The following PLXNA2 variants were observed in gnomAD, a reference collection of about 807,000 sequenced individuals.
PLXNA2 encodes the protein plexin A2.
A neutral mutation model predicts 193.5 loss-of-function variants in PLXNA2; 91 were observed. The ratio of observed to expected loss-of-function variants is 0.47; its 90% CI spans 0.40 to 0.56. The LOEUF (loss-of-function observed/expected upper bound fraction) is 0.56, where lower values mean the gene tolerates loss of function less well. Among genes scored for constraint, PLXNA2 ranks in the 20% least tolerant of loss-of-function variants. PLXNA2 has a pLI of 0.00. For synonymous variants in PLXNA2, 997 were observed against 1,027.3 expected, an observed-to-expected ratio of 0.97 and a Z score of 0.56; for missense variants, 1,995 against 2,503.2, an observed-to-expected ratio of 0.80 and a Z score of 4.33.
intron 20 of PLXNA2, among the ~76,000 whole-genome samples, chr1:208,043,815 G>A (rs1395491541): frequency 1.3e-5 from 2 of 152,226 alleles, no homozygotes; most frequent in East Asian, 1.9e-4. Context: ...TCATCCAGCA[G>A]AGGGCTTGTT....
chr1:208,185,696 C>CAAAAAAAAAAAAAAAAAAAAAAAAAAGA (rs56384277), intron 3 of PLXNA2, among the ~76,000 whole-genome samples: 1 of 57,256 alleles, frequency 1.7e-5, no homozygotes, highest in African/African-American at 7.1e-5. Context: ...TCTCTGAAAG[C>CAAAAAAAAAAAAAAAAAAAAAAAAAAGA]AAAAAAAAAA....
chr1:208,212,250 T>A (rs1670985016), intron 2 of PLXNA2, among the ~76,000 whole-genome samples: 1 of 152,132 alleles, frequency 6.6e-6, no homozygotes, highest in South Asian at 2.1e-4. Flanking sequence ...GAATAATTGG[T>A]TTATAAGTTA....
Position 208,025,424 on chromosome 1 carries a change from C to T in PLXNA2, c.*1819G>A. On this transcript the variant is annotated 3_prime_UTR_variant, in exon 32 of 32. Coordinates refer to ENST00000367033, the MANE Select transcript of PLXNA2 (RefSeq NM_025179.4). ...AGAAAATGACCCTGGTCTAGTCTCT[C>T]TTGGAGGAGCTGGTCTAGCTTCCCA... is the stretch of plus-strand genomic sequence containing the variant. 1 of 152,278 alleles carries T rather than the reference C, an allele frequency of 6.6e-6. No homozygotes were observed. The highest frequency in any genetic ancestry group is 1.9e-4 in the East Asian group (1 of 5,200). The allele number at this position is 152,278 out of a possible 1,614,324, so 9.4% of individuals were successfully genotyped here. A position where few individuals can be genotyped will look rare whatever the true frequency, so the allele number is the denominator to read the frequency against.
chr1:208,031,979 C>A lies in PLXNA2; in HGVS notation c.5056-220G>T, dbSNP rs1664518395. The A allele has an allele frequency of 1.7e-5, 17 of 985,060 alleles. 1 individual carries two copies. In the South Asian group the frequency reaches 6.6e-4, roughly 38 times the overall value. The allele number at this position is 985,060 out of a possible 1,614,324, so 61.0% of individuals were successfully genotyped here. On this transcript the variant is annotated intron_variant, in intron 28 of 31. Transcript: ENST00000367033. Reference sequence around the variant, plus strand: ...TCCTGGGGAAGAATCTCTCCTCCAACCTGCAGCCACATTCCACATTCCACA... The same window carrying A: ...TCCTGGGGAAGAATCTCTCCTCCAAACTGCAGCCACATTCCACATTCCACA...
rs61520990 is a variant in PLXNA2, at chr1:208,033,059, C to CT, written c.5055+259dup. On this transcript the variant is annotated intron_variant, in intron 28 of 31. Transcript: ENST00000367033. Reference sequence around the variant, plus strand: ...CTTTTTTTTTTTCCAATTTTGTCCTCTTTTTTTTTTTTCGTTAGTGGAGAT... The same window carrying CT: ...CTTTTTTTTTTTCCAATTTTGTCCTCTTTTTTTTTTTTTCGTTAGTGGAGAT... Among the ~76,000 whole-genome samples the CT allele has an allele frequency of 8.5e-3, 1,227 of 144,466 alleles. 10 individuals are homozygous for CT. Among genetic ancestry groups the CT allele is most frequent in the Admixed American group, 0.016 (232 of 14,454 alleles). The allele number at this position is 144,466 out of a possible 152,430, so 94.8% of individuals were successfully genotyped here. A position where few individuals can be genotyped will look rare whatever the true frequency, so the allele number is the denominator to read the frequency against.
At chr1:208,230,171 T>G (rs969825584) in intron 1 of PLXNA2, 7 of 152,236 alleles carry the variant, frequency 4.6e-5, no homozygotes, top group African/African-American at 1.4e-4. Context: ...AAGGACATCA[T>G]CTCCTTGGCT....
intron 3 of PLXNA2, among the ~76,000 whole-genome samples, chr1:208,202,186 G>T (rs926928363): frequency 1.1e-4 from 17 of 151,972 alleles, no homozygotes; most frequent in African/African-American, 4.1e-4. Context: ...CATCATGTTG[G>T]CCAGGCTGGT....
intron 4 of PLXNA2, among the ~76,000 whole-genome samples, chr1:208,134,169 A>C (rs1465981105): frequency 2.6e-5 from 4 of 152,192 alleles, no homozygotes; most frequent in Non-Finnish European, 5.9e-5. Flanking sequence ...TAAATACAGC[A>C]AGCCAAGTGT....
At chr1:208,178,252 C>T (rs1043494445) in intron 3 of PLXNA2, among the ~76,000 whole-genome samples, 8 of 152,162 alleles carry the variant, frequency 5.3e-5, no homozygotes, top group Non-Finnish European at 7.3e-5. Flanking sequence ...AGAAGCCTTG[C>T]TTTGAAAATT....
intron 2 of PLXNA2, among the ~76,000 whole-genome samples, chr1:208,211,329 G>A (rs1670935044): frequency 6.6e-6 from 1 of 152,140 alleles, no homozygotes; most frequent in African/African-American, 2.4e-5. Context: ...GAGAGTGGTG[G>A]TGTGGCTCCA....
chr1:208,240,838 C>G (rs1672027955), intron 1 of PLXNA2, among the ~76,000 whole-genome samples: 1 of 151,982 alleles, frequency 6.6e-6, no homozygotes, highest in Non-Finnish European at 1.5e-5. Context: ...TATTGTGCCT[C>G]AGTTCGTGTG....
At position 208,038,291 on chromosome 1, in the gene PLXNA2, C is replaced by T. The variant is rs562026921; in HGVS notation, c.4764+80G>A. On this transcript the variant is annotated intron_variant, in intron 26 of 31. Coordinates refer to ENST00000367033, the MANE Select transcript of PLXNA2 (RefSeq NM_025179.4). The surrounding 1 kb of genome is among the most constrained non-coding windows in gnomAD (Gnocchi z 4.1). ...CAGGGAGAGGAAAATCCTTTTTAGA[C>T]TTTTGAGGCCTTAGAGCAAGGCTTA... is the stretch of plus-strand genomic sequence containing the variant. 1.0e-6 allele frequency: 1 copy of T among 972,486 alleles called. No homozygotes were observed. The highest frequency in any genetic ancestry group is 1.7e-6 in the Non-Finnish European group (1 of 600,844). 60.2% of individuals were successfully genotyped at this position (972,486 alleles called of 1,614,324 possible).
intron 1 of PLXNA2, among the ~76,000 whole-genome samples, chr1:208,229,244 C>T (rs972496890): frequency 3.9e-5 from 6 of 152,162 alleles, no homozygotes; most frequent in Non-Finnish European, 5.9e-5. Context: ...AGGCTAGAAT[C>T]ACACACTGAT....
rs1004558926 is a variant in PLXNA2, at chr1:208,027,919, T to C, written c.5589+90A>G. ...TCATGGGCTTCTGACTCCCTGAATG[T>C]GTTTTCTAAATTGCCATCTATTTAA... On this transcript the variant is annotated intron_variant, in intron 31 of 31. Transcript: ENST00000367033. 25 of 1,249,734 alleles carry C rather than the reference T, an allele frequency of 2.0e-5. No homozygotes were observed. In the Middle Eastern group the frequency reaches 1.4e-3, roughly 70 times the overall value. 77.4% of individuals were successfully genotyped at this position (1,249,734 alleles called of 1,614,324 possible). A position where few individuals can be genotyped will look rare whatever the true frequency, so the allele number is the denominator to read the frequency against.
chr1:208,131,449 A>G (rs1377318076), intron 4 of PLXNA2, among the ~76,000 whole-genome samples: 1 of 152,210 alleles, frequency 6.6e-6, no homozygotes, highest in Non-Finnish European at 1.5e-5. Flanking sequence ...TGGTCTAAAT[A>G]AAACACATTC....
chr1:208,054,987 A>C (rs2102340510), intron 13 of PLXNA2, among the ~76,000 whole-genome samples: 1 of 152,320 alleles, frequency 6.6e-6, no homozygotes, highest in East Asian at 1.9e-4. Flanking sequence ...CATGTTTGCC[A>C]AGCCGATTCA....
At chr1:208,175,743 G>T (rs1177062816) in intron 3 of PLXNA2, among the ~76,000 whole-genome samples, 1 of 152,218 alleles carries the variant, frequency 6.6e-6, no homozygotes, top group Admixed American at 6.5e-5. Context: ...TAGCCCCAGG[G>T]AGCAACAACC....
chr1:208,192,307 G>GGTGT lies in PLXNA2; in HGVS notation c.1371+17969_1371+17972dup, dbSNP rs35987334. Among the ~76,000 whole-genome samples, 229 of 149,532 alleles carry GGTGT rather than the reference G, an allele frequency of 1.5e-3. 1 individual carries two copies. The highest frequency in any genetic ancestry group is 5.3e-3 in the South Asian group (25 of 4,700). On this transcript the variant is annotated intron_variant, in intron 3 of 31. Coordinates refer to ENST00000367033, the MANE Select transcript of PLXNA2 (RefSeq NM_025179.4). Reference sequence around the variant, plus strand: ...TGCCATGGACACCGGGTTTGGGGATGGTGTGTGTGTGTGTGTGTGTGTGTG... The same window carrying GGTGT: ...TGCCATGGACACCGGGTTTGGGGATGGTGTGTGTGTGTGTGTGTGTGTGTGTGTG...
rs76374836 is a variant in PLXNA2, at chr1:208,052,003, T to G, written c.2993+324A>C. Among the ~76,000 whole-genome samples, 696 of 152,288 alleles carry G rather than the reference T, an allele frequency of 4.6e-3. 7 individuals carry two copies. Among genetic ancestry groups the G allele is most frequent in the African/African-American group, 0.016 (674 of 41,568 alleles). On this transcript the variant is annotated intron_variant, in intron 15 of 31. Transcript: ENST00000367033. ...AAGAACTGAGGCTATGCAATCTCCGTGTTTTTCAAGTCACCATAGTGAGGA... is the reference window on the plus strand; with the variant it reads ...AAGAACTGAGGCTATGCAATCTCCGGGTTTTTCAAGTCACCATAGTGAGGA...
Sources: gnomAD v4.1 joint callset for allele counts (sites outside exome capture counted in the v4.1 genomes callset) on GRCh38, gnomAD v4.1.1 for gene constraint, Gnocchi (gnomAD v3.1) non-coding constraint, MANE v1.5 for transcripts, NCBI Gene and HGNC (gene_info 2026-07-23, HGNC 2026-07-21) for gene names.